The following PRG4 variants were observed in gnomAD, a reference collection of about 807,000 sequenced individuals.
PRG4 encodes articular superficial zone protein.
PRG4 carries 61 observed loss-of-function variants against 91.2 expected under a neutral mutation model. The ratio of observed to expected loss-of-function variants is 0.67; its 90% confidence interval spans 0.54 to 0.83. The LOEUF is 0.83. PRG4 is among the 40% of genes least tolerant of loss of function. The pLI, the probability that PRG4 is intolerant of heterozygous loss-of-function variation, is 0.00. For missense variants in PRG4, 1,564 were observed against 1,714.2 expected, an observed-to-expected ratio of 0.91 and a Z score of 1.55; for synonymous variants, 576 against 614.2, an observed-to-expected ratio of 0.94 and a Z score of 0.92.
intron 9 of PRG4, 86 bp from the exon 10 acceptor site, chr1:186,311,354 C>A: frequency 6.8e-7 from 1 of 1,468,214 alleles, no homozygotes; most frequent in South Asian, 1.2e-5. Context: ...CAAGTTAACA[C>A]GTTCTCTCTA....
intron 12 of PRG4, 125 bp from the exon 13 acceptor site, chr1:186,313,556 A>T: frequency 1.6e-6 from 1 of 639,910 alleles, no homozygotes; most frequent in Non-Finnish European, 2.8e-6. Flanking sequence ...GTTCAAATTA[A>T]TTAGTAAAAA....
Position 186,304,825 on chromosome 1 carries a change from C to T in PRG4, c.501C>T (p.Ser167=). ...EHSVSENQES[S]SSSSSSSSSS... is the part of the protein sequence containing the mutation. ...CTGTTTCTGAAAATCAAGAGTCCTCCTCCTCCTCCTCCTCTTCCTCTTCTT... is the reference window on the plus strand; with the variant it reads ...CTGTTTCTGAAAATCAAGAGTCCTCTTCCTCCTCCTCCTCTTCCTCTTCTT... Residue 167 remains serine, a synonymous_variant, in exon 6 of 13, where the codon TCC becomes TCT. Transcript: ENST00000445192. 5 of 1,611,506 alleles carry T rather than the reference C, an allele frequency of 3.1e-6. No individual in the cohort carries two copies. The highest frequency in any genetic ancestry group is 2.7e-5 in the African/African-American group (2 of 74,572).
chr1:186,296,915 C>T lies in PRG4; in HGVS notation c.40C>T (p.Leu14=), dbSNP rs755587504. The T allele has an allele frequency of 1.4e-5, 23 of 1,613,894 alleles. No individual in the cohort carries two copies. Among genetic ancestry groups the T allele is most frequent in the Middle Eastern group, 3.3e-4 (2 of 6,082 alleles). The change falls in exon 2 of 13, where the codon CTG becomes TTG. Residue 14 remains leucine (L), a synonymous_variant. Coordinates refer to ENST00000445192, the MANE Select transcript of PRG4 (RefSeq NM_005807.6). ...ACTTCCCATTTACCTGTTGTTGCTG[C>T]TGTCTGTTTTCGTGATTCAGCAAGT... ...KTLPIYLLLL[L]SVFVIQQVSS...
chr1:186,296,329 A>G (rs929932200), intron 1 of PRG4, 36 bp downstream of exon 1: 1 of 155,202 alleles, frequency 6.4e-6, no homozygotes, highest in African/African-American at 2.4e-5. Context: ...ATAGAATTAA[A>G]TGTGTTTTCA....
At chr1:186,312,475 C>A in intron 11 of PRG4, 103 bp downstream of exon 11, 2 of 1,160,312 alleles carry the variant, frequency 1.7e-6, no homozygotes, top group Non-Finnish European at 2.4e-6. Context: ...TCAAACAGCC[C>A]TAATAATTTA....
At position 186,307,428 on chromosome 1, in the gene PRG4, C is replaced by A. The variant is rs762957046; in HGVS notation, c.1709C>A (p.Pro570His). Residue 570 changes from proline to histidine, a missense_variant, in exon 7 of 13, where the codon CCC becomes CAC. Transcript: ENST00000445192. The part of the protein sequence containing the change: ...PAPTTPKEPA[P>H]TTPKKPAPTT... ...CCCACCACTCCCAAGGAGCCTGCACCCACCACCCCCAAGAAGCCTGCCCCA... is the reference window on the plus strand; with the variant it reads ...CCCACCACTCCCAAGGAGCCTGCACACACCACCCCCAAGAAGCCTGCCCCA... 1.2e-5 allele frequency: 19 copies of A among 1,585,200 alleles called. No individual in the cohort carries two copies. The highest frequency in any genetic ancestry group is 1.5e-5 in the Non-Finnish European group (18 of 1,166,074).
intron 10 of PRG4, 187 bp downstream of exon 10, chr1:186,311,783 G>T (rs979808024): frequency 1.7e-5 from 11 of 659,402 alleles, no homozygotes; most frequent in Middle Eastern, 8.3e-4. Context: ...TTCTTCACAG[G>T]CAAGTCACAA....
Position 186,312,789 on chromosome 1 carries a change from A to G in PRG4, c.4012A>G (p.Lys1338Glu). Residue 1338 changes from lysine to glutamate, a missense_variant, in exon 12 of 13, where the codon AAA becomes GAA. Physicochemically the swap from Lys to Glu is moderately conservative, Grantham distance 56 (BLOSUM62 1). Transcript: ENST00000445192. The part of the protein sequence containing the change: ...QDKGVLHNEV[K>E]VSILWRGLPN... ...TACAGGTGTCCTTCATAATGAAGTT[A>G]AAGTGAGTATACTGTGGAGAGGACT... The G allele has an allele frequency of 6.2e-7, 1 of 1,613,048 alleles. No individual in the cohort carries two copies. Among genetic ancestry groups the G allele is most frequent in the Non-Finnish European group, 8.5e-7 (1 of 1,179,026 alleles).
At chr1:186,304,968 A>G (rs1421369816) in intron 6 of PRG4, 46 bp downstream of exon 6, 3 of 1,583,920 alleles carry the variant, frequency 1.9e-6, no homozygotes, top group African/African-American at 2.7e-5. Flanking sequence ...TGCCATATTA[A>G]CAATGATTAT....
intron 7 of PRG4, among the ~76,000 whole-genome samples, chr1:186,309,524 T>C (rs1018188749): frequency 1.3e-5 from 2 of 152,136 alleles, no homozygotes; most frequent in African/African-American, 4.8e-5. Context: ...AGTTCATACA[T>C]CCAAAAAATG....
Position 186,306,415 on chromosome 1 carries a change from G to C in PRG4, c.696G>C (p.Lys232Asn), listed in dbSNP as rs1249877671. 4.3e-6 allele frequency: 7 copies of C among 1,613,284 alleles called. No individual in the cohort carries two copies. The highest frequency in any genetic ancestry group is 5.9e-6 in the Non-Finnish European group (7 of 1,179,536). The change falls in exon 7 of 13, where the codon AAG becomes AAC. Residue 232 changes from lysine (K) to asparagine (N), a missense_variant. Transcript: ENST00000445192. Reference sequence around the variant, plus strand: ...GTGGATTGGACAATGGTGACTTCAAGGTCACAACTCCTGACACGTCTACCA... The same window carrying C: ...GTGGATTGGACAATGGTGACTTCAACGTCACAACTCCTGACACGTCTACCA... ...AGSGLDNGDFKVTTPDTSTTQ... is the reference protein window; with the variant it reads ...AGSGLDNGDFNVTTPDTSTTQ...
rs536510894 is a variant in PRG4 at position 186,300,228 on chromosome 1, C to T, written c.199+15C>T. On this transcript the variant is annotated intron_variant, in intron 3 of 12. Coordinates refer to ENST00000445192, the MANE Select transcript of PRG4 (RefSeq NM_005807.6). The stretch of plus-strand genomic sequence containing the variant: ...CTGCACTGCGGGTAAGTCCTGAGAG[C>T]GGGTGTCTCCTCTGTCAAGCAACAC... 1.9e-5 allele frequency: 31 copies of T among 1,613,474 alleles called. No individual in the cohort carries two copies. In the Middle Eastern group the frequency reaches 7.0e-4, roughly 36 times the overall value.
chr1:186,312,407 C>A, intron 11 of PRG4, 35 bp downstream of exon 11: 2 of 1,555,524 alleles, frequency 1.3e-6, no homozygotes, highest in Non-Finnish European at 8.8e-7. Context: ...AATCCTTAAA[C>A]ATAAGTAGAT....
chr1:186,313,615 T>G (rs1290736482), intron 12 of PRG4, 66 bp from the exon 13 acceptor site: 1 of 922,188 alleles, frequency 1.1e-6, no homozygotes, highest in Non-Finnish European at 1.8e-6. Flanking sequence ...ATAGTCAACA[T>G]AAGTTATTTT....
intron 3 of PRG4, among the ~76,000 whole-genome samples, chr1:186,300,485 T>A (rs1214583095): frequency 6.6e-6 from 1 of 152,228 alleles, no homozygotes; most frequent in Non-Finnish European, 1.5e-5. Flanking sequence ...AAGGTTATTG[T>A]CTAGTTCCAA....
intron 2 of PRG4, 113 bp downstream of exon 2, chr1:186,297,064 T>C: frequency 1.1e-6 from 1 of 917,646 alleles, no homozygotes; most frequent in Non-Finnish European, 1.7e-6. Context: ...TTGAGTTTAA[T>C]ATACTGTACA....
Position 186,312,305 on chromosome 1 carries a change from A to G in PRG4, c.3924A>G (p.Ile1308Met). ...GGAGACGTCGCTTTGAACGTGCTAT[A>G]GGACCTTCTCAAACACACACCATCA... ...QVRRRRFERA[I>M]GPSQTHTIRI... The change falls in exon 11 of 13, where the codon ATA (isoleucine) becomes ATG (methionine). Residue 1308 changes from isoleucine to methionine, a missense_variant. Transcript: ENST00000445192. 1 of 1,613,232 alleles carries G rather than the reference A, an allele frequency of 6.2e-7. No individual in the cohort carries two copies. The highest frequency in any genetic ancestry group is 1.1e-5 in the South Asian group (1 of 90,812).
At chr1:186,305,862 G>A (rs1246030047) in intron 6 of PRG4, among the ~76,000 whole-genome samples, 1 of 152,202 alleles carries the variant, frequency 6.6e-6, no homozygotes, top group African/African-American at 2.4e-5. Flanking sequence ...AGCAGGGACT[G>A]TGGGGGTGAC....
intron 8 of PRG4, among the ~76,000 whole-genome samples, chr1:186,310,617 G>A (rs1226748510): frequency 2.0e-5 from 3 of 151,810 alleles, no homozygotes; most frequent in Admixed American, 6.6e-5. Flanking sequence ...TGAGTAGCTG[G>A]GACTACAGGT....
Sources: allele counts gnomAD v4.1 joint callset (sites outside exome capture counted in the v4.1 genomes callset), GRCh38; gene constraint gnomAD v4.1.1; transcripts MANE v1.5; gene names NCBI Gene and HGNC (gene_info 2026-07-23, HGNC 2026-07-21).